Variants in FAT4 observed in about 807,000 individuals in gnomAD.
FAT4 encodes FAT atypical cadherin 4.
In FAT4, 84 loss-of-function variants were observed where a neutral mutation model predicts 303.9. The ratio of observed to expected loss-of-function variants is 0.28; its 90% CI spans 0.23 to 0.33. The LOEUF (loss-of-function observed/expected upper bound fraction) is 0.33. Among genes scored for constraint, FAT4 ranks in the 10% least tolerant of loss-of-function variants. The pLI is 1.00. For synonymous variants in FAT4, 2,307 were observed against 2,298.8 expected, an observed-to-expected ratio of 1.00 and a Z score of -0.10; for missense variants, 6,005 against 6,146.8, an observed-to-expected ratio of 0.98 and a Z score of 0.77.
rs182611551 is a variant in FAT4 at position 125,327,691 on chromosome 4, C to T, written c.5175+6105C>T. On this transcript the variant is annotated intron_variant, in intron 2 of 17. Transcript: ENST00000394329. ...CTGCTAGATTTCTATAGACATAACT[C>T]ATCTTCCAATGAATTTACAATTTAT... 7.2e-3 allele frequency among the ~76,000 whole-genome samples: 1,104 copies of T among 152,308 alleles called. 17 individuals are homozygous for T. Among genetic ancestry groups the T allele is most frequent in the African/African-American group, 0.026 (1,061 of 41,558 alleles).
chr4:125,358,649 TATAA>T (rs933296231), intron 2 of FAT4, among the ~76,000 whole-genome samples: 8 of 152,114 alleles, frequency 5.3e-5, no homozygotes, highest in African/African-American at 1.7e-4. Context: ...GGGAAGCGGC[TATAA>T]ATAGAGATGA....
rs747689582 is a variant in FAT4, at chr4:125,318,826, C to T, written c.2415C>T (p.Asn805=). The T allele has an allele frequency of 8.1e-6, 13 of 1,614,134 alleles. No homozygotes were observed. In the East Asian group the frequency reaches 1.8e-4, roughly 22 times the overall value. Residue 805 remains asparagine (N), a synonymous_variant, in exon 2 of 18, where the codon AAC becomes AAT. Coordinates refer to ENST00000394329, the MANE Select transcript of FAT4 (RefSeq NM_001291303.3). ...CCTACAGCTTTGTGGTTTTTGAGAA[C>T]GTGGCGCTGGGATATCATGTGGGTA... The part of the protein sequence containing the change: ...QVAYSFVVFE[N]VALGYHVGSV...
Position 125,317,062 on chromosome 4 carries a change from G to C in FAT4, c.651G>C (p.Gln217His), listed in dbSNP as rs751560462. The change falls in exon 2 of 18, where the codon CAG (glutamine) becomes CAC (histidine). Residue 217 changes from glutamine (Q) to histidine (H), a missense_variant. By Grantham distance (24) the Gln-to-His change is conservative. Transcript: ENST00000394329. The surrounding 1 kb of genome is among the most constrained non-coding windows in gnomAD (Gnocchi z 7.0). The stretch of plus-strand genomic sequence containing the variant: ...ACCGTGAGGTCACTCCGCAGTACCA[G>C]CTCCTGGTTGAGGTGGAGGACAAGG... ...GLDREVTPQY[Q>H]LLVEVEDKGE... 4 of 1,613,938 alleles carry C rather than the reference G, an allele frequency of 2.5e-6. No individual in the cohort carries two copies. Among genetic ancestry groups the C allele is most frequent in the Non-Finnish European group, 3.4e-6 (4 of 1,180,038 alleles).
chr4:125,470,400 T>G (rs1726816025), intron 12 of FAT4, among the ~76,000 whole-genome samples: 1 of 152,216 alleles, frequency 6.6e-6, no homozygotes, highest in African/African-American at 2.4e-5. Context: ...GGCATTCACT[T>G]CTTTTCTCTA....
At chr4:125,453,414 T>C (rs1726166056) in intron 10 of FAT4, among the ~76,000 whole-genome samples, 1 of 152,108 alleles carries the variant, frequency 6.6e-6, no homozygotes, top group Non-Finnish European at 1.5e-5. Flanking sequence ...TAGATTAAAA[T>C]GATGTGTTAT....
rs181878999 is a variant in FAT4, at chr4:125,421,675, A to G, written c.7018+5053A>G. 2.4e-3 allele frequency among the ~76,000 whole-genome samples: 363 copies of G among 152,288 alleles called. 3 individuals carry two copies. The highest frequency in any genetic ancestry group is 8.1e-3 in the Admixed American group (124 of 15,298). ...TTTTAAAGAAAGCTACATATGAAAA[A>G]ATTCTAAGTTAGAGAAATCTGACAT... is the stretch of plus-strand genomic sequence containing the variant. On this transcript the variant is annotated intron_variant, in intron 7 of 17. Coordinates refer to ENST00000394329, the MANE Select transcript of FAT4 (RefSeq NM_001291303.3).
intron 2 of FAT4, among the ~76,000 whole-genome samples, chr4:125,330,001 A>T (rs1731315219): frequency 6.6e-6 from 1 of 152,144 alleles, no homozygotes; most frequent in Admixed American, 6.6e-5. Context: ...AGACACCATC[A>T]TTCTTCCCTT....
Position 125,450,392 on chromosome 4 carries a change from T to A in FAT4, c.9382T>A (p.Tyr3128Asn), listed in dbSNP as rs913296109. The A allele has an allele frequency of 6.2e-7, 1 of 1,614,110 alleles. No homozygotes were observed. The highest frequency in any genetic ancestry group is 1.7e-5 in the Admixed American group (1 of 60,014). The part of the protein sequence containing the change: ...RDAAMNGLIK[Y>N]SISSGNEEGI... Reference sequence around the variant, plus strand: ...TGCAGCGATGAATGGCTTGATTAAGTACAGCATTTCTTCAGGAAATGAAGA... The same window carrying A: ...TGCAGCGATGAATGGCTTGATTAAGAACAGCATTTCTTCAGGAAATGAAGA... Residue 3128 changes from tyrosine to asparagine, a missense_variant, in exon 10 of 18, where the codon TAC (tyrosine) becomes AAC (asparagine). Transcript: ENST00000394329.
Position 125,414,871 on chromosome 4 carries a change from C to T in FAT4, c.5921-13C>T. 2.6e-6 allele frequency: 4 copies of T among 1,557,614 alleles called. No individual in the cohort carries two copies. The East Asian group carries it at 6.8e-5, about 27-fold the overall frequency. On this transcript the variant is annotated splice_polypyrimidine_tract_variant and intron_variant, in intron 5 of 17. Coordinates refer to ENST00000394329, the MANE Select transcript of FAT4 (RefSeq NM_001291303.3). ...ATATGTTTAAGAAAATTTTTTCTTC[C>T]CTTTAATTTCAGGCATCAACTCTCA...
At chr4:125,371,633 A>G (rs1733117102) in intron 2 of FAT4, among the ~76,000 whole-genome samples, 1 of 151,792 alleles carries the variant, frequency 6.6e-6, no homozygotes, top group African/African-American at 2.4e-5. Context: ...CTGTGAATAT[A>G]GGAGGGGATA....
At chr4:125,489,148 A>G (rs562752839) in intron 17 of FAT4, among the ~76,000 whole-genome samples, 12 of 152,348 alleles carry the variant, frequency 7.9e-5, no homozygotes, top group African/African-American at 2.9e-4. Context: ...ATGTTGTGAG[A>G]AAACAAACCA....
In FAT4 at chr4:125,487,471, G is replaced by A. The variant is rs769836196; in HGVS notation, c.12949G>A (p.Ala4317Thr). The part of the protein sequence containing the change: ...HTFLIGKNGT[A>T]TVLSVDRIYN... ...TTTTCTAATTGGGAAAAATGGAACA[G>A]CAACAGTATTGTCTGTTGACAGAAT... The change falls in exon 17 of 18, where the codon GCA (alanine) becomes ACA (threonine). Residue 4317 changes from alanine to threonine, a missense_variant. Transcript: ENST00000394329. 4.3e-6 allele frequency: 7 copies of A among 1,614,088 alleles called. No homozygotes were observed. The South Asian group carries it at 5.5e-5, about 13-fold the overall frequency.
intron 2 of FAT4, among the ~76,000 whole-genome samples, chr4:125,352,389 T>G (rs1223478379): frequency 6.6e-6 from 1 of 151,660 alleles, no homozygotes; most frequent in Non-Finnish European, 1.5e-5. Context: ...AAATGATTTC[T>G]TCCATGTAAC....
chr4:125,479,746 C>G lies in FAT4; in HGVS notation c.12485C>G (p.Pro4162Arg), dbSNP rs967604351. Residue 4162 changes from proline to arginine, a missense_variant, in exon 15 of 18, where the codon CCT becomes CGT. Physicochemically the swap from Pro to Arg is moderately radical, Grantham distance 103. Coordinates refer to ENST00000394329, the MANE Select transcript of FAT4 (RefSeq NM_001291303.3). The stretch of plus-strand genomic sequence containing the variant: ...CTCATTATGATTTATTTTAGATGCC[C>G]TAGGCTGGAAGGCGCTTGTACTCGC... ...LAAQGILDQC[P>R]RLEGACTRSP... is the part of the protein sequence containing the mutation. 6.3e-7 allele frequency: 1 copy of G among 1,591,144 alleles called. No individual in the cohort carries two copies.
At chr4:125,336,086 A>G (rs1243995079) in intron 2 of FAT4, among the ~76,000 whole-genome samples, 1 of 152,146 alleles carries the variant, frequency 6.6e-6, no homozygotes, top group Non-Finnish European at 1.5e-5. Flanking sequence ...ATGATACCAC[A>G]TAAAGGGAAA....
rs865946032 is a variant in FAT4 at position 125,448,099 on chromosome 4, C to T, written c.7451-362C>T. ...TAGAGGCATAGCACTTTGCAGAGCTCGCATATTATGTTTCTTGGAATGTTG... is the reference window on the plus strand; with the variant it reads ...TAGAGGCATAGCACTTTGCAGAGCTTGCATATTATGTTTCTTGGAATGTTG... On this transcript the variant is annotated intron_variant, in intron 9 of 17. Coordinates refer to ENST00000394329, the MANE Select transcript of FAT4 (RefSeq NM_001291303.3). Among the ~76,000 whole-genome samples, 9 of 152,036 alleles carry T rather than the reference C, an allele frequency of 5.9e-5. No individual in the cohort carries two copies. The South Asian group carries it at 6.2e-4, about 10-fold the overall frequency.
Position 125,316,480 on chromosome 4 carries a change from G to A in FAT4, c.69G>A (p.Gln23=). The A allele has an allele frequency of 6.2e-7, 1 of 1,613,910 alleles. No homozygotes were observed. Residue 23 remains glutamine (Q), a synonymous_variant, in exon 2 of 18, where the codon CAG becomes CAA. Transcript: ENST00000394329. This position sits in a 1 kb window ranked among gnomAD's most constrained non-coding sequence, Gnocchi z 5.7. ...CGTTGCACACTCTATCAGTATCTCA[G>A]CTCCTTCGAGTGTTTTGGCTACTGT... ...WLPLHTLSVS[Q]LLRVFWLLSL...
At position 125,452,140 on chromosome 4, in the gene FAT4, A is replaced by T; in HGVS notation, c.11130A>T (p.Thr3710=). 1 of 1,614,230 alleles carries T rather than the reference A, an allele frequency of 6.2e-7. No homozygotes were observed. Among genetic ancestry groups the T allele is most frequent in the Non-Finnish European group, 8.5e-7 (1 of 1,180,046 alleles). The change falls in exon 10 of 18, where the codon ACA becomes ACT. Residue 3710 remains threonine, a synonymous_variant. Transcript: ENST00000394329. The part of the protein sequence containing the change: ...RVFFAGFSNA[T]VDNSILLRLG... The stretch of plus-strand genomic sequence containing the variant: ...TCTTTGCTGGATTTTCCAATGCCAC[A>T]GTGGATAACAGCATCTTACTTCGTC...
chr4:125,476,710 G>A (rs1424474628), intron 13 of FAT4, among the ~76,000 whole-genome samples: 2 of 152,134 alleles, frequency 1.3e-5, no homozygotes, highest in Non-Finnish European at 2.9e-5. Flanking sequence ...AGAAAAATAA[G>A]TAGTCACGCA....
Sources: allele counts gnomAD v4.1 joint callset (sites outside exome capture counted in the v4.1 genomes callset), GRCh38; gene constraint gnomAD v4.1.1; non-coding constraint Gnocchi (gnomAD v3.1); transcripts MANE v1.5; gene names NCBI Gene and HGNC (gene_info 2026-07-23, HGNC 2026-07-21).